Variants in SRBD1 observed in about 807,000 individuals in gnomAD.
The protein encoded by SRBD1 is S1 RNA-binding domain-containing protein 1.
A neutral mutation model predicts 115.3 loss-of-function variants in SRBD1; 88 were observed. That is an observed-to-expected ratio of 0.76 (90% CI 0.64 to 0.91). SRBD1 has a LOEUF of 0.91. SRBD1 is among the 40% of genes least tolerant of loss of function. SRBD1 has a pLI of 0.00. For missense variants in SRBD1, 1,385 were observed against 1,177.4 expected (o/e 1.18, Z -2.58); for synonymous variants, 509 against 407.7 (o/e 1.25, Z -2.99).
At chr2:45,585,918 T>A (rs1446474105) in intron 4 of SRBD1, 144 bp from the exon 5 acceptor site, 1 of 615,132 alleles carries the variant, frequency 1.6e-6, no homozygotes, top group Non-Finnish European at 2.6e-6. Flanking sequence ...GAAAGCCATA[T>A]AAAATACATG....
chr2:45,556,188 C>T (rs17033859), intron 10 of SRBD1, among the ~76,000 whole-genome samples: 7,732 of 152,176 alleles, frequency 0.051, 667 homozygotes, highest in African/African-American at 0.18. Context: ...TAAATCCCTG[C>T]TGCTCCCTAC....
At chr2:45,575,768 A>G (rs1365348269) in intron 7 of SRBD1, among the ~76,000 whole-genome samples, 1 of 152,074 alleles carries the variant, frequency 6.6e-6, no homozygotes, top group African/African-American at 2.4e-5. Context: ...CAGTGGTGCG[A>G]TCTTGGCTCA....
chr2:45,587,079 A>G (rs1673562553), intron 4 of SRBD1, among the ~76,000 whole-genome samples: 1 of 133,536 alleles, frequency 7.5e-6, no homozygotes, highest in Non-Finnish European at 1.5e-5. Flanking sequence ...ATATTAAAAT[A>G]TTTAAAATTT....
At chr2:45,395,626 A>G (rs751739976) in intron 19 of SRBD1, among the ~76,000 whole-genome samples, 4 of 152,202 alleles carry the variant, frequency 2.6e-5, no homozygotes, top group Non-Finnish European at 5.9e-5. Flanking sequence ...ATTACTACAA[A>G]GTCAAGTGCT....
chr2:45,497,403 G>A (rs946585120), intron 14 of SRBD1, among the ~76,000 whole-genome samples: 7 of 152,050 alleles, frequency 4.6e-5, no homozygotes, highest in Non-Finnish European at 8.8e-5. Context: ...GTACATAAAC[G>A]GTACCAAAAA....
intron 9 of SRBD1, among the ~76,000 whole-genome samples, chr2:45,563,586 A>G (rs1308210484): frequency 6.6e-6 from 1 of 152,058 alleles, no homozygotes; most frequent in Admixed American, 6.6e-5. Context: ...ACAACAGGAA[A>G]CACTCAAACA....
intron 20 of SRBD1, among the ~76,000 whole-genome samples, chr2:45,390,782 C>T (rs189477798): frequency 9.9e-4 from 150 of 152,274 alleles, no homozygotes; most frequent in Non-Finnish European, 1.7e-3. Context: ...GATACCAAGA[C>T]GTTTTAAAAA....
In SRBD1 at chr2:45,556,269, G is replaced by C. The variant is rs184307309; in HGVS notation, c.1410-2539C>G. On this transcript the variant is annotated intron_variant, in intron 10 of 20. Transcript: ENST00000263736. ...TCTCTACTCCATTGAAAAAAGGCAT[G>C]AATTCAACAAACACACCTTTTTTCA... is the stretch of plus-strand genomic sequence containing the variant. 1.3e-4 allele frequency among the ~76,000 whole-genome samples: 20 copies of C among 152,088 alleles called. No individual in the cohort carries two copies. The East Asian group carries it at 3.3e-3, about 25-fold the overall frequency.
chr2:45,545,019 G>A (rs914197554), intron 14 of SRBD1, among the ~76,000 whole-genome samples: 2 of 152,042 alleles, frequency 1.3e-5, no homozygotes, highest in Admixed American at 1.3e-4. Flanking sequence ...GGTGGCTCAT[G>A]CCTGTAATCG....
chr2:45,596,185 C>G (rs59242760), intron 4 of SRBD1, among the ~76,000 whole-genome samples: 61 of 152,290 alleles, frequency 4.0e-4, no homozygotes, highest in African/African-American at 1.4e-3. Flanking sequence ...ACAAATAAAA[C>G]TTTTCTTTCT....
At chr2:45,447,693 G>A (rs953453816) in intron 16 of SRBD1, 2 of 152,100 alleles carry the variant, frequency 1.3e-5, no homozygotes, top group African/African-American at 4.8e-5. Flanking sequence ...AACCATGAAA[G>A]TTGAATATCA....
At chr2:45,546,602 T>G (rs1672126578) in intron 14 of SRBD1, 130 bp downstream of exon 14, 1 of 910,658 alleles carries the variant, frequency 1.1e-6, no homozygotes, top group Admixed American at 2.2e-5. Context: ...AAAGTTCTCA[T>G]GAACACCAAG....
At chr2:45,437,753 A>G (rs953179526) in intron 16 of SRBD1, among the ~76,000 whole-genome samples, 6 of 152,172 alleles carry the variant, frequency 3.9e-5, no homozygotes, top group African/African-American at 1.4e-4. Flanking sequence ...AAATGAAACA[A>G]ACTCACATCA....
chr2:45,575,034 C>T (rs1034520173), intron 7 of SRBD1, among the ~76,000 whole-genome samples: 1 of 152,166 alleles, frequency 6.6e-6, no homozygotes, highest in African/African-American at 2.4e-5. Flanking sequence ...TACTTGACTC[C>T]TCTGTACCTC....
chr2:45,600,831 A>C (rs1357190918), intron 3 of SRBD1, among the ~76,000 whole-genome samples: 2 of 152,242 alleles, frequency 1.3e-5, no homozygotes, highest in East Asian at 3.8e-4. Flanking sequence ...AATTTTAGTC[A>C]AAATTCTATC....
chr2:45,515,967 C>T (rs1242310113), intron 14 of SRBD1, among the ~76,000 whole-genome samples: 44 of 152,144 alleles, frequency 2.9e-4, no homozygotes, highest in Admixed American at 2.7e-3. Flanking sequence ...CTAGATATAA[C>T]TACTTCAGCA....
chr2:45,502,676 T>A (rs1670672329), intron 14 of SRBD1, among the ~76,000 whole-genome samples: 1 of 146,376 alleles, frequency 6.8e-6, no homozygotes, highest in African/African-American at 2.5e-5. Flanking sequence ...CACCGGGGCC[T>A]GTCGTGGGGT....
chr2:45,543,472 T>C (rs1055834472), intron 14 of SRBD1, among the ~76,000 whole-genome samples: 2 of 152,148 alleles, frequency 1.3e-5, no homozygotes, highest in African/African-American at 2.4e-5. Flanking sequence ...TGCTGGTAGA[T>C]ATGGCTGGAA....
At chr2:45,544,544 A>C (rs1250837875) in intron 14 of SRBD1, among the ~76,000 whole-genome samples, 3 of 140,294 alleles carry the variant, frequency 2.1e-5, no homozygotes, top group Admixed American at 1.6e-4. Flanking sequence ...GGCTCAACTA[A>C]AATGGCATCT....
Sources: gnomAD v4.1 joint callset for allele counts (sites outside exome capture counted in the v4.1 genomes callset) on GRCh38, gnomAD v4.1.1 for gene constraint, MANE v1.5 for transcripts, NCBI Gene and HGNC (gene_info 2026-07-23, HGNC 2026-07-21) for gene names.